The following MUC22 variants were observed in gnomAD, a reference collection of about 807,000 sequenced individuals.
MUC22 encodes the protein mucin 22.
In MUC22, 24 loss-of-function variants were observed where a neutral mutation model predicts 40.3. That is an observed-to-expected ratio of 0.60 (90% confidence interval 0.43 to 0.84). The LOEUF (loss-of-function observed/expected upper bound fraction) is 0.84. Ranked by LOEUF, MUC22 falls within the 40% of genes least tolerant of loss-of-function variation. The pLI, the probability that MUC22 is intolerant of heterozygous loss-of-function variation, is 0.00. For missense variants in MUC22, 1,926 were observed against 2,130.7 expected (o/e 0.90, Z 1.89); for synonymous variants, 765 against 844.5 (o/e 0.91, Z 1.63).
At chr6:31,034,298 C>T (rs188647776) in intron 3 of MUC22, among the ~76,000 whole-genome samples, 95 of 152,320 alleles carry the variant, frequency 6.2e-4, no homozygotes, top group African/African-American at 2.1e-3. Context: ...GCTTTCTTAG[C>T]TGACTAACAA....
In MUC22 at chr6:31,010,556, C is replaced by T. The variant is rs563826007; in HGVS notation, c.-151C>T. The stretch of plus-strand genomic sequence containing the variant: ...CATGCCATCTGCCTACAAGGCTTAC[C>T]CTGGCACTGGCTGGCCTTTGGGTCT... On this transcript the variant is annotated 5_prime_UTR_variant, in exon 1 of 4. Transcript: ENST00000561890. 202 of 616,826 alleles carry T rather than the reference C, an allele frequency of 3.3e-4. 5 individuals are homozygous for T. The South Asian group carries it at 3.8e-3, about 12-fold the overall frequency. 38.2% of individuals were successfully genotyped at this position (616,826 alleles called of 1,614,324 possible).
At chr6:31,009,738 A>G (rs114979217), upstream of MUC22, among the ~76,000 whole-genome samples, 1,206 of 152,342 alleles carry the variant, frequency 7.9e-3, 6 homozygotes, top group Middle Eastern at 0.017. Context: ...TTTTCCTTGC[A>G]TATCTGAATT....
At chr6:31,019,924 A>G (rs1764546618) in intron 1 of MUC22, among the ~76,000 whole-genome samples, 1 of 152,084 alleles carries the variant, frequency 6.6e-6, no homozygotes, top group Admixed American at 6.6e-5. Context: ...GGTGAGAGGG[A>G]GTATGGGGTG....
exon 2 of MUC22, chr6:31,028,250 A>C: frequency 2.0e-6 from 3 of 1,531,528 alleles, no homozygotes; most frequent in Non-Finnish European, 2.6e-6. Flanking sequence ...GTCTCTACTG[A>C]AGGCTCTGGG....
chr6:31,024,865 CCT>C (rs1491558154), intron 1 of MUC22, among the ~76,000 whole-genome samples: 4 of 139,024 alleles, frequency 2.9e-5, no homozygotes, highest in African/African-American at 1.1e-4. Context: ...CAAATTGCTG[CCT>C]TCTTTTTTTT....
At chr6:31,021,159 C>A (rs550848648) in intron 1 of MUC22, among the ~76,000 whole-genome samples, 1 of 152,254 alleles carries the variant, frequency 6.6e-6, no homozygotes, top group Non-Finnish European at 1.5e-5. Context: ...GGGGCGGGAT[C>A]CACTGGGTGA....
rs1416541520 is a variant in MUC22 at position 31,026,533 on chromosome 6, A to G, written c.1102A>G (p.Met368Val). The change falls in exon 2 of 4, where the codon ATG becomes GTG. Residue 368 changes from methionine (M) to valine (V), a missense_variant. Physicochemically the swap from Met to Val is conservative, Grantham distance 21. Around this residue, in one of 3 missense-constraint regions of MUC22, gnomAD observed 1,281 missense variants for 1,337.8 expected, o/e 0.96. Coordinates refer to ENST00000561890, the Ensembl canonical transcript of MUC22. Reference sequence around the variant, plus strand: ...CTCTATCACAGGCACTGAGACCACCATGGTCTCTGCCATGGGCTCAGAGAC... The same window carrying G: ...CTCTATCACAGGCACTGAGACCACCGTGGTCTCTGCCATGGGCTCAGAGAC... 17 of 1,500,484 alleles carry G rather than the reference A, an allele frequency of 1.1e-5. 3 individuals are homozygous for G. In the South Asian group the frequency reaches 1.6e-4, roughly 14 times the overall value. 92.9% of individuals were successfully genotyped at this position (1,500,484 alleles called of 1,614,324 possible).
In MUC22 at chr6:31,032,602, C is replaced by CA; in HGVS notation, c.5055+22dup. 6.6e-7 allele frequency: 1 copy of CA among 1,515,718 alleles called. No individual in the cohort carries two copies. Among genetic ancestry groups the CA allele is most frequent in the Non-Finnish European group, 8.8e-7 (1 of 1,135,488 alleles). The allele number at this position is 1,515,718 out of a possible 1,614,324, so 93.9% of individuals were successfully genotyped here. ...GTCTGGTGAGTACCCAGGGTGGGTT[C>CA]ATAGGGGAGCCTGGCAAGAAGGCAG... On this transcript the variant is annotated intron_variant, in intron 3 of 3. Transcript: ENST00000561890. The surrounding 1 kb of genome is among the most constrained non-coding windows in gnomAD (Gnocchi z 4.1).
Position 31,032,221 on chromosome 6 carries a change from C to T in MUC22, c.4695C>T (p.Leu1565=), listed in dbSNP as rs1766113461. ...GCACCAGAACCACTGGAACCAGACT[C>T]ACTGCCTCCAGCTCTGTCACCATGG... Residue 1565 remains leucine, a synonymous_variant, in exon 3 of 4, where the codon CTC becomes CTT. Transcript: ENST00000561890. The surrounding 1 kb of genome is among the most constrained non-coding windows in gnomAD (Gnocchi z 4.1). 1 of 1,535,032 alleles carries T rather than the reference C, an allele frequency of 6.5e-7. No individual in the cohort carries two copies. The highest frequency in any genetic ancestry group is 8.7e-7 in the Non-Finnish European group (1 of 1,146,592).
chr6:31,022,945 C>T (rs1764987606), intron 1 of MUC22, among the ~76,000 whole-genome samples: 1 of 151,898 alleles, frequency 6.6e-6, no homozygotes, highest in Non-Finnish European at 1.5e-5. Context: ...GCCTGGGCAA[C>T]GTGGTGAAAC....
intron 1 of MUC22, among the ~76,000 whole-genome samples, chr6:31,024,517 T>C (rs1765115185): frequency 6.6e-6 from 1 of 152,232 alleles, no homozygotes; most frequent in Non-Finnish European, 1.5e-5. Flanking sequence ...GTCTTCATTG[T>C]ATTTGAGATG....
At chr6:31,025,394 A>G in intron 1 of MUC22, 108 bp from the exon 2 acceptor site, 3 of 1,280,858 alleles carry the variant, frequency 2.3e-6, no homozygotes, top group South Asian at 1.7e-5. Context: ...CAATAACTGA[A>G]TAAATAAATG....
At chr6:31,008,552 C>CTTT (rs10632347), upstream of MUC22, among the ~76,000 whole-genome samples, 30 of 140,068 alleles carry the variant, frequency 2.1e-4, no homozygotes, top group Non-Finnish European at 2.8e-4. Context: ...CTTTTTCTTT[C>CTTT]TTTTTTTTTT....
chr6:31,017,849 G>A (rs1357780506), intron 1 of MUC22, among the ~76,000 whole-genome samples: 2 of 152,222 alleles, frequency 1.3e-5, no homozygotes, highest in Admixed American at 6.5e-5. Context: ...ATCCGCTTGG[G>A]TACTCTTCTA....
chr6:31,014,242 T>C (rs1764044753), intron 1 of MUC22, among the ~76,000 whole-genome samples: 1 of 152,226 alleles, frequency 6.6e-6, no homozygotes, highest in African/African-American at 2.4e-5. Context: ...AAAATGTCCA[T>C]AGTTTTCTTC....
At chr6:31,035,141 T>A in exon 4 of MUC22, 1 of 589,138 alleles carries the variant, frequency 1.7e-6, no homozygotes, top group African/African-American at 1.9e-5. Context: ...ATGGACTAGG[T>A]CAAGAAAAGA....
chr6:31,023,103 C>T (rs1765001849), intron 1 of MUC22, among the ~76,000 whole-genome samples: 2 of 151,420 alleles, frequency 1.3e-5, no homozygotes, highest in South Asian at 4.2e-4. Flanking sequence ...GCACTCCAGC[C>T]TGAGTGACAG....
chr6:31,010,438 G>T (rs868127134), upstream of MUC22: 3 of 463,756 alleles, frequency 6.5e-6, no homozygotes, highest in African/African-American at 5.8e-5. Context: ...CCCCTACTCA[G>T]TATCAGCTAT....
Position 31,031,768 on chromosome 6 carries a change from G to A in MUC22, c.4670-428G>A, listed in dbSNP as rs573696143. ...ATATCAGTGAGAACATACGATGTTC[G>A]GTTTTCCATTCCTGAGTTACTTCAC... On this transcript the variant is annotated intron_variant, in intron 2 of 3. Coordinates refer to ENST00000561890, the Ensembl canonical transcript of MUC22. Among the ~76,000 whole-genome samples the A allele has an allele frequency of 9.2e-5, 14 of 152,000 alleles. No homozygotes were observed. In the East Asian group the frequency reaches 2.1e-3, roughly 23 times the overall value.
Sources: allele counts gnomAD v4.1 joint callset (sites outside exome capture counted in the v4.1 genomes callset), GRCh38; gene constraint gnomAD v4.1.1; regional missense constraint gnomAD v4.1.1; non-coding constraint Gnocchi (gnomAD v3.1); transcripts MANE v1.5; gene names NCBI Gene and HGNC (gene_info 2026-07-23, HGNC 2026-07-21).